DDX1: variants seen among roughly 807,000 people sequenced by gnomAD.
DDX1 encodes DEAD-box helicase 1, also known as ATP-dependent RNA helicase DDX1.
In DDX1, 28 loss-of-function variants were observed where a neutral mutation model predicts 108.7. The observed-to-expected ratio is 0.26, with a 90% CI of 0.19 to 0.35. The LOEUF (loss-of-function observed/expected upper bound fraction) is 0.35. DDX1 is among the 10% of genes least tolerant of loss of function. The pLI is 1.00. For synonymous variants in DDX1, 295 were observed against 288.9 expected, an observed-to-expected ratio of 1.02 and a Z score of -0.21; for missense variants, 710 against 884.5, an observed-to-expected ratio of 0.80 and a Z score of 2.50.
At chr2:15,623,937 A>G (rs576539730) in intron 19 of DDX1, among the ~76,000 whole-genome samples, 1 of 111,958 alleles carries the variant, frequency 8.9e-6, no homozygotes, top group Admixed American at 8.8e-5. Context: ...GGGAATGAGG[A>G]AAAAAAACCT....
intron 3 of DDX1, among the ~76,000 whole-genome samples, chr2:15,596,228 C>G (rs1005637666): frequency 6.6e-6 from 1 of 152,086 alleles, no homozygotes; most frequent in African/African-American, 2.4e-5. Context: ...GAGAGAATAT[C>G]AGCAAAACAG....
chr2:15,616,547 A>G (rs1220123484), intron 14 of DDX1, among the ~76,000 whole-genome samples: 2 of 152,220 alleles, frequency 1.3e-5, no homozygotes, highest in East Asian at 3.8e-4. Flanking sequence ...TGTATGTTTG[A>G]AAAGTTTTAT....
chr2:15,596,539 A>T (rs1558450218), intron 3 of DDX1, among the ~76,000 whole-genome samples, 195 bp from the exon 4 acceptor site: 2 of 152,146 alleles, frequency 1.3e-5, no homozygotes, highest in Non-Finnish European at 2.9e-5. Flanking sequence ...AGGGAAGAGA[A>T]GATTCTTAAG....
At chr2:15,605,369 A>G (rs1665645752) in intron 10 of DDX1, among the ~76,000 whole-genome samples, 1 of 152,160 alleles carries the variant, frequency 6.6e-6, no homozygotes, top group South Asian at 2.1e-4. Flanking sequence ...CATGGGTCCT[A>G]CAGTCCTGGT....
At chr2:15,627,189 C>T in intron 20 of DDX1, 44 bp downstream of exon 20, 2 of 1,101,930 alleles carry the variant, frequency 1.8e-6, no homozygotes, top group Non-Finnish European at 2.7e-6. Context: ...TTAAGAGGGG[C>T]ATTATATCTA....
intron 1 of DDX1, among the ~76,000 whole-genome samples, chr2:15,593,242 A>G (rs374546284): frequency 5.4e-4 from 82 of 152,292 alleles, no homozygotes; most frequent in South Asian, 4.2e-3. Context: ...ATAGGATTCA[A>G]TTGGAAACTG....
At chr2:15,595,020 A>C (rs1213970537) in intron 1 of DDX1, 125 bp from the exon 2 acceptor site, 5 of 666,774 alleles carry the variant, frequency 7.5e-6, no homozygotes, top group Non-Finnish European at 1.2e-5. Flanking sequence ...TGCCACGCTC[A>C]GTAGATTTGA....
At chr2:15,626,332 T>C (rs1666100000) in intron 19 of DDX1, among the ~76,000 whole-genome samples, 1 of 152,130 alleles carries the variant, frequency 6.6e-6, no homozygotes, top group Non-Finnish European at 1.5e-5. Flanking sequence ...ATAATTAATT[T>C]TTGTGTTATT....
In DDX1 at chr2:15,631,032, G is replaced by A; in HGVS notation, c.*126G>A. On this transcript the variant is annotated 3_prime_UTR_variant, in exon 26 of 26. Coordinates refer to ENST00000233084, the MANE Select transcript of DDX1 (RefSeq NM_004939.3). The stretch of plus-strand genomic sequence containing the variant: ...AAGCTATTAATGCTAACTCTTGCAT[G>A]TCAAGAAACATTAGTCTTAGGAATT... 1.2e-6 allele frequency: 1 copy of A among 809,376 alleles called. No individual in the cohort carries two copies. Among genetic ancestry groups the A allele is most frequent in the Non-Finnish European group, 1.8e-6 (1 of 557,850 alleles). 50.1% of individuals were successfully genotyped at this position (809,376 alleles called of 1,614,324 possible).
chr2:15,608,381 G>A (rs1020619212), intron 13 of DDX1, among the ~76,000 whole-genome samples: 1 of 152,070 alleles, frequency 6.6e-6, no homozygotes, highest in African/African-American at 2.4e-5. Flanking sequence ...ACAAAAATTA[G>A]CTGGGCTTCG....
chr2:15,619,483 G>T (rs1438171999), intron 16 of DDX1, among the ~76,000 whole-genome samples: 2 of 152,196 alleles, frequency 1.3e-5, no homozygotes, highest in Non-Finnish European at 2.9e-5. Context: ...TCTTGCTGCC[G>T]CTGCTCATGT....
chr2:15,608,620 C>T (rs1182417798), intron 13 of DDX1, among the ~76,000 whole-genome samples: 1 of 142,272 alleles, frequency 7.0e-6, no homozygotes, highest in Non-Finnish European at 1.5e-5. Flanking sequence ...ATTTCAGAAG[C>T]TTTGAATATT....
chr2:15,603,726 A>G (rs1665622073), intron 8 of DDX1, 88 bp from the exon 9 acceptor site: 11 of 857,924 alleles, frequency 1.3e-5, no homozygotes, highest in South Asian at 3.4e-5. Context: ...TGAAATGGAC[A>G]TACTATGTGA....
chr2:15,607,985 C>T (rs1189728671), intron 13 of DDX1, among the ~76,000 whole-genome samples: 2 of 152,150 alleles, frequency 1.3e-5, no homozygotes, highest in Non-Finnish European at 2.9e-5. Flanking sequence ...GACTGCATCA[C>T]GGTGGTGGCT....
chr2:15,604,552 T>C (rs1186809699), intron 10 of DDX1, 43 bp downstream of exon 10: 4 of 1,299,142 alleles, frequency 3.1e-6, no homozygotes, highest in Non-Finnish European at 4.4e-6. Context: ...ATACATGATA[T>C]TCAATAATTG....
At chr2:15,604,046 A>C (rs1388461863) in intron 9 of DDX1, among the ~76,000 whole-genome samples, 156 bp downstream of exon 9, 3 of 152,222 alleles carry the variant, frequency 2.0e-5, no homozygotes, top group Non-Finnish European at 4.4e-5. Context: ...TTAGTGAAGA[A>C]ATATTGTCAA....
At chr2:15,616,919 A>G (rs1033757136) in intron 14 of DDX1, among the ~76,000 whole-genome samples, 1 of 152,190 alleles carries the variant, frequency 6.6e-6, no homozygotes, top group Admixed American at 6.5e-5. Context: ...TAGTGGTGGA[A>G]CTGGGACTTG....
At chr2:15,618,099 A>G (rs1665929827) in intron 15 of DDX1, 82 bp from the exon 16 acceptor site, 1 of 750,118 alleles carries the variant, frequency 1.3e-6, no homozygotes, top group Non-Finnish European at 2.2e-6. Context: ...TGATTTAGAA[A>G]AAAGATTTTT....
chr2:15,623,542 CTG>C lies in DDX1; in HGVS notation c.1557_1558del (p.Cys519Ter). The part of the protein sequence containing the change: ...AIIFCRTKID[C>X]DNLEQYFIQQ... ...TTATCTTCTGTAGAACCAAAATTGA[CTG>C]TGATAACTTGGAGCAGTACTTTATA... On this transcript the variant is annotated frameshift_variant, in exon 19 of 26. Transcript: ENST00000233084. LOFTEE classifies it high-confidence loss of function. 2 of 1,613,514 alleles carry C rather than the reference CTG, an allele frequency of 1.2e-6. No homozygotes were observed. Among genetic ancestry groups the C allele is most frequent in the Non-Finnish European group, 8.5e-7 (1 of 1,179,606 alleles).
Sources: allele counts gnomAD v4.1 joint callset (sites outside exome capture counted in the v4.1 genomes callset), GRCh38; gene constraint gnomAD v4.1.1; transcripts MANE v1.5; gene names NCBI Gene and HGNC (gene_info 2026-07-23, HGNC 2026-07-21).